ITGBL1: variants seen among roughly 807,000 people sequenced by gnomAD.
ITGBL1 encodes the protein integrin beta-like protein 1.
Under a neutral mutation model 68.5 loss-of-function variants are expected in ITGBL1, and 51 were observed. The observed-to-expected ratio is 0.74, with a 90% CI of 0.59 to 0.94. The LOEUF (loss-of-function observed/expected upper bound fraction) is 0.94, where lower values mean the gene tolerates loss of function less well. Among genes scored for constraint, ITGBL1 ranks in the 40% least tolerant of loss-of-function variants. The pLI is 0.00. For synonymous variants in ITGBL1, 209 were observed against 227.3 expected (o/e 0.92, Z 0.72); for missense variants, 649 against 647.4 (o/e 1.00, Z -0.03).
At chr13:101,630,616 A>T (rs2031946053) in intron 7 of ITGBL1, among the ~76,000 whole-genome samples, 2 of 152,200 alleles carry the variant, frequency 1.3e-5, no homozygotes, top group Non-Finnish European at 2.9e-5. Context: ...TAGATTGGAT[A>T]GTTCTACATC....
At chr13:101,653,468 G>A (rs2032817327) in intron 7 of ITGBL1, among the ~76,000 whole-genome samples, 2 of 152,234 alleles carry the variant, frequency 1.3e-5, no homozygotes, top group Non-Finnish European at 2.9e-5. Context: ...CTAAAAACAT[G>A]ACCAAAATCA....
At chr13:101,516,342 A>G (rs2049195009) in intron 2 of ITGBL1, among the ~76,000 whole-genome samples, 1 of 152,146 alleles carries the variant, frequency 6.6e-6, no homozygotes, top group African/African-American at 2.4e-5. Flanking sequence ...GTCTAAATGA[A>G]ATGCGGTTAT....
At chr13:101,638,403 G>A (rs1295003976) in intron 7 of ITGBL1, among the ~76,000 whole-genome samples, 2 of 150,160 alleles carry the variant, frequency 1.3e-5, no homozygotes, top group African/African-American at 4.9e-5. Flanking sequence ...CACATGTTAG[G>A]CTTTCAGTAT....
At position 101,452,762 on chromosome 13, in the gene ITGBL1, C is replaced by A; in HGVS notation, c.-72C>A. On this transcript the variant is annotated 5_prime_UTR_variant, in exon 1 of 11. Coordinates refer to ENST00000376180, the MANE Select transcript of ITGBL1 (RefSeq NM_004791.3). ...AGCCATCTGCTGGTGGCACCTCTCC[C>A]TCCTGCCGCCTCCCTCGGTGAACCC... 7.9e-7 allele frequency: 1 copy of A among 1,258,182 alleles called. No individual in the cohort carries two copies. Among genetic ancestry groups the A allele is most frequent in the South Asian group, 1.2e-5 (1 of 83,550 alleles). 77.9% of individuals were successfully genotyped at this position (1,258,182 alleles called of 1,614,324 possible). A position where few individuals can be genotyped will look rare whatever the true frequency, so the allele number is the denominator to read the frequency against.
At chr13:101,638,444 A>G (rs2032248530) in intron 7 of ITGBL1, among the ~76,000 whole-genome samples, 1 of 152,152 alleles carries the variant, frequency 6.6e-6, no homozygotes, top group Admixed American at 6.5e-5. Context: ...TAAAAAAAAA[A>G]AAACTATTTG....
At chr13:101,474,408 G>A (rs982479682) in intron 2 of ITGBL1, among the ~76,000 whole-genome samples, 13 of 152,180 alleles carry the variant, frequency 8.5e-5, no homozygotes, top group African/African-American at 3.1e-4. Flanking sequence ...CAGCAGAACA[G>A]TGCACTAAGT....
At chr13:101,647,873 G>A (rs990743246) in intron 7 of ITGBL1, among the ~76,000 whole-genome samples, 18 of 152,176 alleles carry the variant, frequency 1.2e-4, no homozygotes, top group African/African-American at 4.3e-4. Context: ...AGAATAAGAA[G>A]CCAAGAAGAA....
intron 5 of ITGBL1, among the ~76,000 whole-genome samples, chr13:101,579,996 A>G (rs2050428584): frequency 1.3e-5 from 2 of 152,214 alleles, no homozygotes; most frequent in South Asian, 2.1e-4. Context: ...TAACAAATAT[A>G]TTAATATTGC....
chr13:101,648,151 C>G (rs2032624660), intron 7 of ITGBL1, among the ~76,000 whole-genome samples: 2 of 152,132 alleles, frequency 1.3e-5, no homozygotes, highest in African/African-American at 4.8e-5. Context: ...TTACACCGTT[C>G]AGAGCTTCTA....
chr13:101,671,651 G>A (rs998665024), intron 7 of ITGBL1, among the ~76,000 whole-genome samples: 13 of 150,640 alleles, frequency 8.6e-5, no homozygotes, highest in African/African-American at 3.0e-4. Flanking sequence ...TGTTAGCCAG[G>A]ATGGTCTCGA....
At chr13:101,524,251 C>G (rs1435161790) in intron 2 of ITGBL1, among the ~76,000 whole-genome samples, 1 of 151,472 alleles carries the variant, frequency 6.6e-6, no homozygotes, top group East Asian at 1.9e-4. Context: ...AGGAGCATAG[C>G]CTTTCAAAAA....
In ITGBL1 at chr13:101,452,796, A is replaced by G. The variant is rs763091321; in HGVS notation, c.-38A>G. 2 of 1,565,498 alleles carry G rather than the reference A, an allele frequency of 1.3e-6. No individual in the cohort carries two copies. Among genetic ancestry groups the G allele is most frequent in the South Asian group, 1.1e-5 (1 of 90,054 alleles). ...CCTCCCTCGGTGAACCCCACCTTGC[A>G]GAAGTGCAGCTCGCCCGGAGCAGCC... On this transcript the variant is annotated 5_prime_UTR_variant, in exon 1 of 11. Transcript: ENST00000376180.
intron 3 of ITGBL1, among the ~76,000 whole-genome samples, chr13:101,574,463 G>A (rs1279050835): frequency 1.3e-5 from 2 of 152,058 alleles, no homozygotes; most frequent in Non-Finnish European, 1.5e-5. Flanking sequence ...GCAACACTTT[G>A]CACTTCTGTA....
At chr13:101,669,201 AG>A (rs1360631790) in intron 7 of ITGBL1, among the ~76,000 whole-genome samples, 3 of 152,142 alleles carry the variant, frequency 2.0e-5, no homozygotes, top group Non-Finnish European at 2.9e-5. Flanking sequence ...AAGTATTAAA[AG>A]AAATAACAAC....
At chr13:101,715,417 T>C in intron 10 of ITGBL1, 146 bp from the exon 11 acceptor site, 1 of 669,726 alleles carries the variant, frequency 1.5e-6, no homozygotes, top group South Asian at 1.8e-5. Context: ...CTTAATAAGA[T>C]GTAATAATAA....
In ITGBL1 at chr13:101,647,368, A is replaced by G. The variant is rs548419541; in HGVS notation, c.1016-45217A>G. The stretch of plus-strand genomic sequence containing the variant: ...TATAATACAAGATTTTTATTGAAAA[A>G]TTTTATTGTTAACACATTTTAAAAA... On this transcript the variant is annotated intron_variant, in intron 7 of 10. Transcript: ENST00000376180. 3.3e-5 allele frequency among the ~76,000 whole-genome samples: 5 copies of G among 152,314 alleles called. 1 individual carries two copies. The South Asian group carries it at 1.0e-3, about 32-fold the overall frequency.
intron 7 of ITGBL1, among the ~76,000 whole-genome samples, chr13:101,656,368 C>T (rs2032924629): frequency 6.6e-6 from 1 of 152,182 alleles, no homozygotes; most frequent in South Asian, 2.1e-4. Context: ...CCACAAAGGA[C>T]AGCTTTGCAG....
In ITGBL1 at chr13:101,543,415, G is replaced by T. The variant is rs569890155; in HGVS notation, c.317-24284G>T. Among the ~76,000 whole-genome samples the T allele has an allele frequency of 1.4e-3, 217 of 152,252 alleles. 1 individual carries two copies. The highest frequency in any genetic ancestry group is 5.0e-3 in the African/African-American group (209 of 41,542). ...CCCTCTTCTGGCTTGTAGAGTTTCT[G>T]CCGAGAGATCAGCTGTTAGTCTGAT... On this transcript the variant is annotated intron_variant, in intron 2 of 10. Coordinates refer to ENST00000376180, the MANE Select transcript of ITGBL1 (RefSeq NM_004791.3).
chr13:101,545,374 T>C (rs150820739), intron 2 of ITGBL1, among the ~76,000 whole-genome samples: 66 of 152,150 alleles, frequency 4.3e-4, no homozygotes, highest in African/African-American at 1.4e-3. Flanking sequence ...GGTATTAGAA[T>C]TGAATGAAAA....
Sources: gnomAD v4.1 joint callset for allele counts (sites outside exome capture counted in the v4.1 genomes callset) on GRCh38, gnomAD v4.1.1 for gene constraint, MANE v1.5 for transcripts, NCBI Gene and HGNC (gene_info 2026-07-23, HGNC 2026-07-21) for gene names.